GBA1: variants seen among roughly 807,000 people sequenced by gnomAD.
GBA1 encodes glucosylceramidase beta 1.
the GBA1 span, among the ~76,000 whole-genome samples, chr1:155,241,999 A>T: frequency 6.6e-6 from 1 of 152,206 alleles, no homozygotes; most frequent in African/African-American, 2.4e-5. Flanking sequence ...CACAAGGAGG[A>T]AGCTGTCCAT....
the GBA1 span, chr1:155,239,550 T>A: frequency 3.8e-5 from 61 of 1,585,074 alleles, no homozygotes; most frequent in East Asian, 9.0e-5. Flanking sequence ...AAAAAAATTT[T>A]AAAAAAAGAA....
chr1:155,240,217 A>G, the GBA1 span: 1 of 742,662 alleles, frequency 1.3e-6, no homozygotes, highest in Admixed American at 2.2e-5. Context: ...TAATCCTAGC[A>G]CTTTAGGAGG....
At chr1:155,238,862 C>G in the GBA1 span, 1 of 616,460 alleles carries the variant, frequency 1.6e-6, no homozygotes, top group South Asian at 1.9e-5. Context: ...GCGGTGAAAT[C>G]TTATTTCACA....
At chr1:155,242,597 C>A in the GBA1 span, among the ~76,000 whole-genome samples, 9 of 150,152 alleles carry the variant, frequency 6.0e-5, no homozygotes, top group East Asian at 1.6e-3. Context: ...TTGATCATTT[C>A]TTCTTCTAGG....
At chr1:155,238,004 G>C in the GBA1 span, 1 of 989,486 alleles carries the variant, frequency 1.0e-6, no homozygotes, top group African/African-American at 1.6e-5. Flanking sequence ...AGGCTGAAAG[G>C]CCCAGAAGGT....
the GBA1 span, among the ~76,000 whole-genome samples, chr1:155,241,744 G>C: frequency 7.2e-5 from 11 of 152,248 alleles, no homozygotes; most frequent in East Asian, 9.7e-4. Context: ...ATCCAGGATG[G>C]CTTCACAGAG....
the GBA1 span, among the ~76,000 whole-genome samples, chr1:155,236,730 C>T: frequency 1.3e-5 from 2 of 150,482 alleles, no homozygotes; most frequent in African/African-American, 4.9e-5. Flanking sequence ...TGGGACTACA[C>T]GGGTGCCACA....
chr1:155,240,610 C>T, the GBA1 span: 5 of 1,594,096 alleles, frequency 3.1e-6, no homozygotes, highest in Admixed American at 3.3e-5. Context: ...GCTACCTCCC[C>T]ACTGCCTTGA....
chr1:155,236,478 G>T, the GBA1 span: 1 of 1,604,162 alleles, frequency 6.2e-7, no homozygotes, highest in African/African-American at 1.3e-5. Flanking sequence ...ACCTGCAAAG[G>T]AAGAGCAACT....
chr1:155,235,195 C>T, the GBA1 span: 5 of 1,612,412 alleles, frequency 3.1e-6, no homozygotes, highest in Admixed American at 1.7e-5. Context: ...TTGCCCTCAC[C>T]GGTTTAGCAC....
At chr1:155,235,256 C>T in the GBA1 span, 683 of 1,613,852 alleles carry the variant, frequency 4.2e-4, 4 homozygotes, top group African/African-American at 8.2e-3. Context: ...GCGTCCAGGT[C>T]GTTCTTCTGA....
chr1:155,239,411 A>T, the GBA1 span, among the ~76,000 whole-genome samples: 1 of 152,010 alleles, frequency 6.6e-6, no homozygotes, highest in Non-Finnish European at 1.5e-5. Flanking sequence ...CACGCCTATA[A>T]TTCCAGCTAC....
the GBA1 span, chr1:155,237,937 G>A: frequency 3.0e-6 from 2 of 674,824 alleles, no homozygotes; most frequent in Non-Finnish European, 5.0e-6. Flanking sequence ...TAAAAAGAAA[G>A]TGGGCCAGAC....
chr1:155,238,075 A>T, the GBA1 span: 299 of 1,560,948 alleles, frequency 1.9e-4, no homozygotes, highest in Non-Finnish European at 2.5e-4. Flanking sequence ...GTTGGGACAC[A>T]GATCAGCATG....
At chr1:155,238,057 G>T in the GBA1 span, 4,595 of 1,470,056 alleles carry the variant, frequency 3.1e-3, 15 homozygotes, top group Non-Finnish European at 3.6e-3. Flanking sequence ...AGTGGAACTA[G>T]GTTGAGGGTT....
chr1:155,240,364 T>G, the GBA1 span: 1 of 603,596 alleles, frequency 1.7e-6, no homozygotes, highest in Non-Finnish European at 2.9e-6. Flanking sequence ...CCTGGGAAGC[T>G]GAAGCAAGAG....
chr1:155,236,420 T>A, the GBA1 span: 1 of 1,614,156 alleles, frequency 6.2e-7, no homozygotes, highest in Admixed American at 1.7e-5. Flanking sequence ...CAGGTACCAA[T>A]GTACAGCAAT....
the GBA1 span, chr1:155,235,746 G>C: frequency 1.2e-6 from 2 of 1,614,146 alleles, no homozygotes; most frequent in Non-Finnish European, 1.7e-6. Flanking sequence ...TGTCTACAAT[G>C]ATGGGACTGT....
chr1:155,243,093 A>G, the GBA1 span, among the ~76,000 whole-genome samples: 1 of 152,242 alleles, frequency 6.6e-6, no homozygotes, highest in African/African-American at 2.4e-5. Context: ...GCTTGACACT[A>G]AACATTGCAA....
Sources: allele counts gnomAD v4.1 joint callset (sites outside exome capture counted in the v4.1 genomes callset), GRCh38; gene constraint gnomAD v4.1.1; transcripts MANE v1.5; gene names NCBI Gene and HGNC (gene_info 2026-07-23, HGNC 2026-07-21).